NAA30: variants seen among roughly 807,000 people sequenced by gnomAD.
NAA30 encodes the protein N-alpha-acetyltransferase 30.
In NAA30, 5 loss-of-function variants were observed where a neutral mutation model predicts 31.4. That is an observed-to-expected ratio of 0.16 (90% CI 0.08 to 0.33). The LOEUF (loss-of-function observed/expected upper bound fraction) is 0.33, where lower values mean the gene tolerates loss of function less well. Ranked by LOEUF, NAA30 falls within the 10% of genes least tolerant of loss-of-function variation. NAA30 has a pLI of 1.00. For synonymous variants in NAA30, 222 were observed against 207.1 expected (o/e 1.07, Z -0.62); for missense variants, 428 against 490.8 (o/e 0.87, Z 1.21).
In NAA30 at chr14:57,399,908, T is replaced by A. The variant is rs1264822476; in HGVS notation, c.951+25T>A. The stretch of plus-strand genomic sequence containing the variant: ...GGTAAGTCTTTAAAAATGTTTAATA[T>A]TTTTTATCTGGGCATTATTCTTTCT... On this transcript the variant is annotated intron_variant, in intron 4 of 4. Coordinates refer to ENST00000556492, the MANE Select transcript of NAA30 (RefSeq NM_001011713.3). The A allele has an allele frequency of 3.7e-6, 4 of 1,086,996 alleles. No individual in the cohort carries two copies. In the African/African-American group the frequency reaches 6.0e-5, roughly 16 times the overall value. 67.3% of individuals were successfully genotyped at this position (1,086,996 alleles called of 1,614,324 possible). A position where few individuals can be genotyped will look rare whatever the true frequency, so the allele number is the denominator to read the frequency against.
chr14:57,398,077 G>C (rs891467642), intron 3 of NAA30, among the ~76,000 whole-genome samples: 1 of 152,148 alleles, frequency 6.6e-6, no homozygotes, highest in African/African-American at 2.4e-5. Context: ...TTAATCATTA[G>C]TTTTTTCACT....
rs2066523609 is a variant in NAA30, at chr14:57,411,726, T to A, written c.*2210T>A. The A allele has an allele frequency of 6.6e-6, 1 of 152,164 alleles. No individual in the cohort carries two copies. The highest frequency in any genetic ancestry group is 1.5e-5 in the Non-Finnish European group (1 of 68,004). 9.4% of individuals were successfully genotyped at this position (152,164 alleles called of 1,614,324 possible). ...GTTGAATGTCAGTGTATGCCTTATGTCTTTAATTGGGTATGCAAAAAAATT... is the reference window on the plus strand; with the variant it reads ...GTTGAATGTCAGTGTATGCCTTATGACTTTAATTGGGTATGCAAAAAAATT... On this transcript the variant is annotated 3_prime_UTR_variant, in exon 5 of 5. Coordinates refer to ENST00000556492, the MANE Select transcript of NAA30 (RefSeq NM_001011713.3).
At chr14:57,403,587 A>T (rs1214969472) in intron 4 of NAA30, among the ~76,000 whole-genome samples, 1 of 152,228 alleles carries the variant, frequency 6.6e-6, no homozygotes. Flanking sequence ...GCTGACTAAA[A>T]AATTATAGTA....
intron 4 of NAA30, among the ~76,000 whole-genome samples, chr14:57,404,477 A>G (rs1407958543): frequency 2.0e-5 from 3 of 152,210 alleles, no homozygotes; most frequent in Admixed American, 6.5e-5. Context: ...ATTTTTGCTT[A>G]TTTATATTAA....
At chr14:57,404,088 A>C (rs1470540387) in intron 4 of NAA30, among the ~76,000 whole-genome samples, 1 of 152,122 alleles carries the variant, frequency 6.6e-6, no homozygotes, top group Admixed American at 6.5e-5. Context: ...TTGGGAGGCC[A>C]AGGTGGGTGG....
At chr14:57,396,639 CATT>C (rs2066451601) in intron 2 of NAA30, 110 bp from the exon 3 acceptor site, 2 of 1,068,518 alleles carry the variant, frequency 1.9e-6, no homozygotes, top group African/African-American at 3.1e-5. Context: ...CAAGAGTTCC[CATT>C]ATCTTCCCCC....
intron 2 of NAA30, among the ~76,000 whole-genome samples, chr14:57,392,684 A>G (rs540019323): frequency 6.6e-6 from 1 of 152,300 alleles, no homozygotes; most frequent in East Asian, 1.9e-4. Flanking sequence ...GAATTTTACT[A>G]CAGAAAGATG....
chr14:57,393,419 G>T (rs562767213), intron 2 of NAA30, among the ~76,000 whole-genome samples: 1 of 152,142 alleles, frequency 6.6e-6, no homozygotes, highest in South Asian at 2.1e-4. Context: ...AGATTTACTG[G>T]TGCAAGTATG....
rs367724989 is a variant in NAA30, at chr14:57,402,939, G to C, written c.951+3056G>C. On this transcript the variant is annotated intron_variant, in intron 4 of 4. Coordinates refer to ENST00000556492, the MANE Select transcript of NAA30 (RefSeq NM_001011713.3). ...CTCACGCCTGTAATCCCAGCACTTT[G>C]GGAGTCCAAGGCTGGCGGATCACTT... Among the ~76,000 whole-genome samples, 10 of 152,330 alleles carry C rather than the reference G, an allele frequency of 6.6e-5. 1 individual carries two copies. The South Asian group carries it at 1.0e-3, about 16-fold the overall frequency.
In NAA30 at chr14:57,415,899, C is replaced by A. The variant is rs1377507038; in HGVS notation, c.*6383C>A. 3.3e-5 allele frequency: 5 copies of A among 151,144 alleles called. No individual in the cohort carries two copies. The highest frequency in any genetic ancestry group is 4.9e-5 in the African/African-American group (2 of 41,198). 9.4% of individuals were successfully genotyped at this position (151,144 alleles called of 1,614,324 possible). The stretch of plus-strand genomic sequence containing the variant: ...TGCAAATAAAATAAAATTTGTAAGT[C>A]CACCAAATATTGACTTAACTAGGTA... On this transcript the variant is annotated 3_prime_UTR_variant, in exon 5 of 5. Coordinates refer to ENST00000556492, the MANE Select transcript of NAA30 (RefSeq NM_001011713.3).
At chr14:57,402,172 T>C (rs533892777) in intron 4 of NAA30, among the ~76,000 whole-genome samples, 1 of 152,376 alleles carries the variant, frequency 6.6e-6, no homozygotes, top group South Asian at 2.1e-4. Flanking sequence ...TTCCTTTGCT[T>C]GTTAAAATAC....
Position 57,391,791 on chromosome 14 carries a change from G to GT in NAA30, c.771+64dup, listed in dbSNP as rs1336729272. 32 of 1,364,852 alleles carry GT rather than the reference G, an allele frequency of 2.3e-5. No homozygotes were observed. In the East Asian group the frequency reaches 6.7e-4, roughly 29 times the overall value. The allele number at this position is 1,364,852 out of a possible 1,614,324, so 84.5% of individuals were successfully genotyped here. A position where few individuals can be genotyped will look rare whatever the true frequency, so the allele number is the denominator to read the frequency against. Reference sequence around the variant, plus strand: ...TGATCGAGACTGTGCGGGGCAGGGAGTGAGGGCCCAGAATGTGGCAGTGGA... The same window carrying GT: ...TGATCGAGACTGTGCGGGGCAGGGAGTTGAGGGCCCAGAATGTGGCAGTGGA... On this transcript the variant is annotated intron_variant, in intron 2 of 4. Coordinates refer to ENST00000556492, the MANE Select transcript of NAA30 (RefSeq NM_001011713.3). The surrounding 1 kb of genome is among the most constrained non-coding windows in gnomAD (Gnocchi z 4.1).
chr14:57,392,368 T>A (rs1265793835), intron 2 of NAA30, among the ~76,000 whole-genome samples: 3 of 152,132 alleles, frequency 2.0e-5, no homozygotes, highest in Admixed American at 1.3e-4. Context: ...AATACCCTTT[T>A]GTGGAATGTA....
chr14:57,399,288 A>G (rs1286964004), intron 3 of NAA30, among the ~76,000 whole-genome samples: 1 of 152,252 alleles, frequency 6.6e-6, no homozygotes, highest in Non-Finnish European at 1.5e-5. Flanking sequence ...ATGTACAGAC[A>G]CACCACTGAC....
At chr14:57,396,962 T>A in intron 3 of NAA30, 87 bp downstream of exon 3, 2 of 1,296,288 alleles carry the variant, frequency 1.5e-6, no homozygotes, top group South Asian at 1.7e-5. Flanking sequence ...AATGTAAGTA[T>A]GTAGAAATGA....
chr14:57,409,228 A>G (rs1037484535), intron 4 of NAA30, 151 bp from the exon 5 acceptor site: 1 of 645,368 alleles, frequency 1.5e-6, no homozygotes, highest in South Asian at 2.2e-5. Flanking sequence ...TACAATCTTG[A>G]TGACTGTTTT....
At chr14:57,396,670 A>T in intron 2 of NAA30, 82 bp from the exon 3 acceptor site, 1 of 1,463,642 alleles carries the variant, frequency 6.8e-7, no homozygotes, top group Non-Finnish European at 9.4e-7. Flanking sequence ...ATGCTTACCA[A>T]TGGTTGGTTG....
At chr14:57,397,171 C>G (rs1204694776) in intron 3 of NAA30, among the ~76,000 whole-genome samples, 1 of 151,944 alleles carries the variant, frequency 6.6e-6, no homozygotes, top group African/African-American at 2.4e-5. Flanking sequence ...TGCTAAGTAC[C>G]ACAAGAAATA....
rs187425420 is a variant in NAA30, at chr14:57,412,780, C to T, written c.*3264C>T. 2.6e-4 allele frequency: 40 copies of T among 152,246 alleles called. No individual in the cohort carries two copies. In the East Asian group the frequency reaches 7.7e-3, roughly 29 times the overall value. The allele number at this position is 152,246 out of a possible 1,614,324, so 9.4% of individuals were successfully genotyped here. A position where few individuals can be genotyped will look rare whatever the true frequency, so the allele number is the denominator to read the frequency against. ...TTTTTCTTTTAGATACAGCTGTGTG[C>T]ATTTTATGATTGGGTTGTTTTGCTT... On this transcript the variant is annotated 3_prime_UTR_variant, in exon 5 of 5. Transcript: ENST00000556492.
Sources: gnomAD v4.1 joint callset for allele counts (sites outside exome capture counted in the v4.1 genomes callset) on GRCh38, gnomAD v4.1.1 for gene constraint, Gnocchi (gnomAD v3.1) non-coding constraint, MANE v1.5 for transcripts, NCBI Gene and HGNC (gene_info 2026-07-23, HGNC 2026-07-21) for gene names.